ERBB4: variants seen among roughly 807,000 people sequenced by gnomAD.
ERBB4 encodes the protein erb-b2 receptor tyrosine kinase 4.
ERBB4 carries 42 observed loss-of-function variants against 158.0 expected under a neutral mutation model. The observed-to-expected ratio is 0.27, with a 90% confidence interval of 0.21 to 0.34. ERBB4 has a LOEUF of 0.34. ERBB4 is among the 10% of genes least tolerant of loss of function. ERBB4 has a pLI of 1.00. For missense variants in ERBB4, 1,333 were observed against 1,624.1 expected, an observed-to-expected ratio of 0.82 and a Z score of 3.08; for synonymous variants, 583 against 558.7, an observed-to-expected ratio of 1.04 and a Z score of -0.61.
In ERBB4 at chr2:212,451,059, A is replaced by G. The variant is rs190411896; in HGVS notation, c.82+87390T>C. ...TTTGTAAAGGTGATGACTATATACT[A>G]GGCTCCCTATTATGAAGTAGAAAGT... On this transcript the variant is annotated intron_variant, in intron 1 of 27. Transcript: ENST00000342788. Among the ~76,000 whole-genome samples the G allele has an allele frequency of 5.3e-5, 8 of 152,266 alleles. 1 individual carries two copies. In the East Asian group the frequency reaches 1.5e-3, roughly 29 times the overall value.
At chr2:211,788,294 T>C (rs1426472972) in intron 3 of ERBB4, 135 bp from the exon 4 acceptor site, 6 of 668,256 alleles carry the variant, frequency 9.0e-6, no homozygotes, top group Non-Finnish European at 1.6e-5. Context: ...AGATATCTTT[T>C]AAAATATCTT....
intron 4 of ERBB4, among the ~76,000 whole-genome samples, chr2:211,757,549 T>C (rs932898059): frequency 6.6e-6 from 1 of 152,160 alleles, no homozygotes; most frequent in Admixed American, 6.6e-5. Flanking sequence ...GCATATATAC[T>C]CATGTGATCA....
At chr2:212,014,214 T>C (rs367978705) in intron 2 of ERBB4, among the ~76,000 whole-genome samples, 21 of 152,262 alleles carry the variant, frequency 1.4e-4, no homozygotes, top group African/African-American at 4.6e-4. Context: ...AAGTGGAAGA[T>C]TATAGAATGT....
intron 16 of ERBB4, among the ~76,000 whole-genome samples, chr2:211,632,295 G>A (rs1032890639): frequency 3.9e-5 from 6 of 152,016 alleles, no homozygotes; most frequent in Admixed American, 6.6e-5. Flanking sequence ...GATCATGCAA[G>A]TTAAATATGT....
chr2:212,491,364 C>T (rs886841709), intron 1 of ERBB4, among the ~76,000 whole-genome samples: 8 of 151,598 alleles, frequency 5.3e-5, no homozygotes, highest in East Asian at 3.9e-4. Flanking sequence ...GGTCAACACA[C>T]GACCTTTATA....
intron 2 of ERBB4, among the ~76,000 whole-genome samples, chr2:212,049,265 G>GT (rs1195848096): frequency 6.6e-6 from 1 of 152,110 alleles, no homozygotes; most frequent in Non-Finnish European, 1.5e-5. Flanking sequence ...CATGTAATAG[G>GT]TAATATCTTT....
chr2:211,634,546 A>G (rs566127616), intron 16 of ERBB4, among the ~76,000 whole-genome samples: 1 of 152,098 alleles, frequency 6.6e-6, no homozygotes, highest in South Asian at 2.1e-4. Context: ...AGCTCCTTTT[A>G]TGAGGACCCT....
chr2:211,656,783 A>G (rs1188225828), intron 16 of ERBB4, among the ~76,000 whole-genome samples: 1 of 152,100 alleles, frequency 6.6e-6, no homozygotes, highest in Non-Finnish European at 1.5e-5. Flanking sequence ...AGATCCATCC[A>G]TGGTGTTGGG....
intron 3 of ERBB4, among the ~76,000 whole-genome samples, chr2:211,808,129 A>C (rs1296839242): frequency 6.6e-6 from 1 of 152,082 alleles, no homozygotes; most frequent in Non-Finnish European, 1.5e-5. Context: ...TCTTTAGTTT[A>C]ATTAGATCCC....
intron 20 of ERBB4, among the ~76,000 whole-genome samples, chr2:211,496,457 A>G (rs1325361284): frequency 6.6e-6 from 1 of 151,938 alleles, no homozygotes; most frequent in African/African-American, 2.4e-5. Flanking sequence ...TCTTCCAGTT[A>G]TCAGGTCATA....
At position 212,331,374 on chromosome 2, in the gene ERBB4, C is replaced by T. The variant is rs148800409; in HGVS notation, c.83-206471G>A. ...TCAATGCTGACATTGAGGGGAATCT[C>T]GCAATGTTCTGTGTTGGGGGAATCT... On this transcript the variant is annotated intron_variant, in intron 1 of 27. Coordinates refer to ENST00000342788, the MANE Select transcript of ERBB4 (RefSeq NM_005235.3). 3.7e-3 allele frequency among the ~76,000 whole-genome samples: 556 copies of T among 151,498 alleles called. 1 individual carries two copies. Among genetic ancestry groups the T allele is most frequent in the African/African-American group, 0.012 (515 of 41,422 alleles).
intron 3 of ERBB4, among the ~76,000 whole-genome samples, chr2:211,860,110 A>G (rs2077974138): frequency 6.6e-6 from 1 of 152,186 alleles, no homozygotes; most frequent in East Asian, 1.9e-4. Flanking sequence ...CTGGAAGTCT[A>G]TGTGAGAAAA....
At chr2:212,116,911 G>A (rs1011473547) in intron 2 of ERBB4, among the ~76,000 whole-genome samples, 1 of 151,670 alleles carries the variant, frequency 6.6e-6, no homozygotes, top group Non-Finnish European at 1.5e-5. Flanking sequence ...AGATTAAATG[G>A]TACTTAACCT....
At chr2:211,517,452 A>T (rs1211838665) in intron 20 of ERBB4, among the ~76,000 whole-genome samples, 3 of 152,118 alleles carry the variant, frequency 2.0e-5, no homozygotes, top group Non-Finnish European at 4.4e-5. Context: ...TATTTCTTCT[A>T]AATAGTTTCC....
chr2:211,833,059 T>C (rs2077260160), intron 3 of ERBB4, among the ~76,000 whole-genome samples: 1 of 151,966 alleles, frequency 6.6e-6, no homozygotes, highest in Non-Finnish European at 1.5e-5. Flanking sequence ...GGAAAAATAA[T>C]ATATAAGAGT....
At chr2:212,252,420 T>C (rs2106053600) in intron 1 of ERBB4, among the ~76,000 whole-genome samples, 1 of 152,184 alleles carries the variant, frequency 6.6e-6, no homozygotes, top group African/African-American at 2.4e-5. Flanking sequence ...CAAATGCTGC[T>C]GATAGATCAA....
At chr2:212,064,214 C>G (rs1422118051) in intron 2 of ERBB4, among the ~76,000 whole-genome samples, 3 of 152,034 alleles carry the variant, frequency 2.0e-5, no homozygotes, top group Non-Finnish European at 4.4e-5. Context: ...TGAAGCATAC[C>G]TGAGACAGGT....
At chr2:212,531,506 A>G (rs1408184684) in intron 1 of ERBB4, among the ~76,000 whole-genome samples, 1 of 152,234 alleles carries the variant, frequency 6.6e-6, no homozygotes, top group Admixed American at 6.5e-5. Context: ...CATAGAAATT[A>G]TCATTTCATG....
chr2:211,989,808 C>T (rs2082027133), intron 2 of ERBB4, among the ~76,000 whole-genome samples: 1 of 151,826 alleles, frequency 6.6e-6, no homozygotes, highest in Non-Finnish European at 1.5e-5. Context: ...ATAAAAAGAA[C>T]ACAGCATTCA....
Sources: gnomAD v4.1 joint callset for allele counts (sites outside exome capture counted in the v4.1 genomes callset) on GRCh38, gnomAD v4.1.1 for gene constraint, MANE v1.5 for transcripts, NCBI Gene and HGNC (gene_info 2026-07-23, HGNC 2026-07-21) for gene names.